The following LYRM4 variants were observed in gnomAD, a reference collection of about 807,000 sequenced individuals.
The protein encoded by LYRM4 is LYR motif-containing protein 4.
LYRM4 carries 9 observed loss-of-function variants against 11.7 expected under a neutral mutation model. The observed-to-expected ratio is 0.77, with a 90% CI of 0.46 to 1.34. The LOEUF (loss-of-function observed/expected upper bound fraction) is 1.34. Ranked by LOEUF, LYRM4 falls within the 40% of genes most tolerant of loss-of-function variation. The probability of loss-of-function intolerance (pLI) is 0.00; values close to 1 mark genes in which losing one functional copy is unlikely to be tolerated. For synonymous variants in LYRM4, 42 were observed against 40.4 expected, an observed-to-expected ratio of 1.04 and a Z score of -0.15; for missense variants, 133 against 112.5, an observed-to-expected ratio of 1.18 and a Z score of -0.82.
intron 2 of LYRM4, among the ~76,000 whole-genome samples, chr6:5,168,394 G>A (rs1024058851): frequency 6.6e-6 from 1 of 152,186 alleles, no homozygotes; most frequent in African/African-American, 2.4e-5. Context: ...CTCACAATAC[G>A]TGCCTGCAGA....
chr6:5,243,050 G>A, intron 1 of LYRM4, among the ~76,000 whole-genome samples: 1 of 152,108 alleles, frequency 6.6e-6, no homozygotes, highest in Non-Finnish European at 1.5e-5. Flanking sequence ...TGGGATTACA[G>A]GCGTGAGCCA....
chr6:5,102,882 A>G (rs935105938), downstream of LYRM4: 1 of 152,212 alleles, frequency 6.6e-6, no homozygotes, highest in African/African-American at 2.4e-5. Flanking sequence ...TGTGGTGTCA[A>G]CGATCCCCCA....
intron 1 of LYRM4, chr6:5,240,694 T>C (rs1763825867): frequency 6.6e-6 from 1 of 152,254 alleles, no homozygotes; most frequent in Non-Finnish European, 1.5e-5. Flanking sequence ...GTCCCAGCTT[T>C]GTGAGCATGG....
chr6:5,111,707 G>A (rs1762890602), intron 2 of LYRM4, among the ~76,000 whole-genome samples: 2 of 152,178 alleles, frequency 1.3e-5, no homozygotes, highest in Non-Finnish European at 1.5e-5. Flanking sequence ...TCTGCTTCTG[G>A]CACTCTGGAA....
At chr6:5,155,237 G>A (rs994349198) in intron 2 of LYRM4, among the ~76,000 whole-genome samples, 2 of 151,986 alleles carry the variant, frequency 1.3e-5, no homozygotes, top group Admixed American at 6.6e-5. Context: ...ATGCGCCACC[G>A]CCTGGATAAT....
chr6:5,176,013 CGG>C (rs566812158), intron 2 of LYRM4, among the ~76,000 whole-genome samples: 35 of 152,016 alleles, frequency 2.3e-4, no homozygotes, highest in Non-Finnish European at 3.8e-4. Flanking sequence ...TCAGCATTCC[CGG>C]CCCAGATAAT....
chr6:5,256,069 G>T (rs1429414828), intron 1 of LYRM4, among the ~76,000 whole-genome samples: 10 of 151,852 alleles, frequency 6.6e-5, no homozygotes, highest in Admixed American at 6.6e-4. Context: ...TGGCCCAAAA[G>T]GTTGGTCATG....
downstream of LYRM4, among the ~76,000 whole-genome samples, chr6:5,101,968 C>CTTTCTT (rs1554124642): frequency 1.5e-5 from 1 of 67,988 alleles, no homozygotes; most frequent in Non-Finnish European, 3.0e-5. Flanking sequence ...CTAATGCTTT[C>CTTTCTT]TTTTTTTTTT....
the LYRM4 span, among the ~76,000 whole-genome samples, chr6:5,095,549 T>C: frequency 2.6e-5 from 4 of 152,216 alleles, no homozygotes; most frequent in Non-Finnish European, 4.4e-5. Flanking sequence ...TTGGCACAAA[T>C]GTAGGTTACA....
chr6:5,228,482 T>C (rs971364082), intron 1 of LYRM4, among the ~76,000 whole-genome samples: 1 of 152,052 alleles, frequency 6.6e-6, no homozygotes, highest in East Asian at 1.9e-4. Flanking sequence ...TTCACCATGT[T>C]GGCCAGGCTG....
the LYRM4 span, among the ~76,000 whole-genome samples, chr6:5,036,492 G>A: frequency 1.3e-5 from 2 of 152,154 alleles, no homozygotes; most frequent in Non-Finnish European, 2.9e-5. Context: ...CCAGGAGCTG[G>A]GGCTGCTGTC....
chr6:5,104,431 C>T (rs1043583094), downstream of LYRM4: 1 of 152,152 alleles, frequency 6.6e-6, no homozygotes, highest in Admixed American at 6.5e-5. Flanking sequence ...CATGCCACCA[C>T]ACCCAGCTAA....
At chr6:5,171,455 T>G (rs188713810) in intron 2 of LYRM4, among the ~76,000 whole-genome samples, 1 of 152,300 alleles carries the variant, frequency 6.6e-6, no homozygotes, top group Admixed American at 6.5e-5. Context: ...ACCTCTTGCC[T>G]GAGAAAGACA....
intron 2 of LYRM4, among the ~76,000 whole-genome samples, chr6:5,202,004 C>T (rs1382071757): frequency 6.6e-6 from 1 of 152,194 alleles, no homozygotes; most frequent in Non-Finnish European, 1.5e-5. Flanking sequence ...GGGTCATCCT[C>T]TTTCATGAAA....
At chr6:5,181,152 C>T (rs373696091) in intron 2 of LYRM4, among the ~76,000 whole-genome samples, 13 of 152,186 alleles carry the variant, frequency 8.5e-5, no homozygotes, top group African/African-American at 2.6e-4. Flanking sequence ...ACAAGGTTTT[C>T]GTTTGTTTGT....
chr6:5,041,244 G>T, the LYRM4 span, among the ~76,000 whole-genome samples: 2 of 151,858 alleles, frequency 1.3e-5, no homozygotes, highest in Admixed American at 1.3e-4. Context: ...AATAACTTCA[G>T]TGTGGTGTAA....
At chr6:5,237,896 C>T (rs1222763811) in intron 1 of LYRM4, among the ~76,000 whole-genome samples, 1 of 152,242 alleles carries the variant, frequency 6.6e-6, no homozygotes, top group African/African-American at 2.4e-5. Flanking sequence ...GAATGTCTTC[C>T]GCTTTAGCAC....
chr6:5,229,532 A>G (rs1428185944), intron 1 of LYRM4, among the ~76,000 whole-genome samples: 1 of 152,166 alleles, frequency 6.6e-6, no homozygotes, highest in Non-Finnish European at 1.5e-5. Flanking sequence ...TTCTTCCTCC[A>G]CAGTTAGAAA....
the LYRM4 span, chr6:5,054,216 T>G: frequency 2.2e-6 from 1 of 462,430 alleles, no homozygotes; most frequent in Non-Finnish European, 2.9e-6. Context: ...ATTTATCAAA[T>G]GAATGCCTTG....
Sources: allele counts gnomAD v4.1 joint callset (sites outside exome capture counted in the v4.1 genomes callset), GRCh38; gene constraint gnomAD v4.1.1; transcripts MANE v1.5; gene names NCBI Gene and HGNC (gene_info 2026-07-23, HGNC 2026-07-21).